The following IQUB variants were observed in gnomAD, a reference collection of about 807,000 sequenced individuals.
IQUB encodes the protein IQ motif and ubiquitin domain containing.
IQUB carries 86 observed loss-of-function variants against 86.4 expected under a neutral mutation model. The ratio of observed to expected loss-of-function variants is 1.00; its 90% CI spans 0.84 to 1.19. The LOEUF is 1.19. Among genes scored for constraint, IQUB ranks in the 50% most tolerant of loss-of-function variants. The pLI is 0.00. For synonymous variants in IQUB, 289 were observed against 304.5 expected (o/e 0.95, Z 0.53); for missense variants, 946 against 916.9 (o/e 1.03, Z -0.41).
chr7:123,478,052 A>G (rs1467603703), intron 8 of IQUB, among the ~76,000 whole-genome samples: 2 of 152,144 alleles, frequency 1.3e-5, no homozygotes, highest in Non-Finnish European at 2.9e-5. Context: ...AGGATCTAGA[A>G]CTAGAAGTAC....
chr7:123,500,734 G>A (rs1342553761), intron 6 of IQUB, among the ~76,000 whole-genome samples: 1 of 151,638 alleles, frequency 6.6e-6, no homozygotes, highest in African/African-American at 2.4e-5. Flanking sequence ...AATCTATTTG[G>A]TTCTTGATGC....
At chr7:123,484,699 A>G (rs1277452200) in intron 7 of IQUB, among the ~76,000 whole-genome samples, 2 of 152,120 alleles carry the variant, frequency 1.3e-5, no homozygotes, top group Middle Eastern at 3.2e-3. Flanking sequence ...CTGGAGATAC[A>G]TAAGTGTGTA....
intron 6 of IQUB, among the ~76,000 whole-genome samples, chr7:123,500,815 G>T: frequency 6.6e-6 from 1 of 151,220 alleles, no homozygotes. Context: ...TTTTCCATCT[G>T]CTTTAAAACT....
intron 6 of IQUB, among the ~76,000 whole-genome samples, chr7:123,499,073 G>C (rs1351754136): frequency 6.6e-6 from 1 of 151,750 alleles, no homozygotes; most frequent in African/African-American, 2.4e-5. Flanking sequence ...AAAAATAAGA[G>C]ACACAAAAGA....
intron 7 of IQUB, among the ~76,000 whole-genome samples, chr7:123,487,674 T>C (rs1208969409): frequency 6.6e-6 from 1 of 152,220 alleles, no homozygotes; most frequent in Non-Finnish European, 1.5e-5. Context: ...TATTCACCGA[T>C]AGAGCAAGTA....
At chr7:123,508,314 AT>A (rs1490904464) in intron 3 of IQUB, among the ~76,000 whole-genome samples, 1 of 152,200 alleles carries the variant, frequency 6.6e-6, no homozygotes, top group Non-Finnish European at 1.5e-5. Flanking sequence ...AATGAAATTA[AT>A]TTTGGATTTT....
chr7:123,531,084 G>C (rs140249368), intron 1 of IQUB, among the ~76,000 whole-genome samples: 3 of 152,010 alleles, frequency 2.0e-5, no homozygotes, highest in African/African-American at 7.2e-5. Flanking sequence ...CATTAGGTTC[G>C]GATCCATAAT....
intron 11 of IQUB, chr7:123,459,938 C>T (rs936360157): frequency 1.1e-4 from 16 of 151,862 alleles, no homozygotes; most frequent in Non-Finnish European, 2.2e-4. Context: ...TGGGTTGCTA[C>T]CTCTTGGGTG....
intron 1 of IQUB, among the ~76,000 whole-genome samples, chr7:123,530,091 C>A (rs575992976): frequency 6.6e-6 from 1 of 152,142 alleles, no homozygotes; most frequent in South Asian, 2.1e-4. Flanking sequence ...AGCCTGCAAT[C>A]GCAGCTATTG....
chr7:123,528,210 C>G (rs919754366), intron 1 of IQUB, among the ~76,000 whole-genome samples: 7 of 152,182 alleles, frequency 4.6e-5, no homozygotes, highest in African/African-American at 9.7e-5. Flanking sequence ...CCTGCGCCCA[C>G]TGTCTGGCAC....
intron 1 of IQUB, among the ~76,000 whole-genome samples, chr7:123,522,199 G>A (rs548548509): frequency 6.6e-6 from 1 of 152,180 alleles, no homozygotes; most frequent in African/African-American, 2.4e-5. Context: ...TTGGTTTACT[G>A]TAAAAGCAGT....
rs1371393165 is a variant in IQUB at position 123,511,983 on chromosome 7, C to T, written c.358G>A (p.Glu120Lys). 2 of 1,610,124 alleles carry T rather than the reference C, an allele frequency of 1.2e-6. No individual in the cohort carries two copies. The highest frequency in any genetic ancestry group is 1.7e-5 in the Admixed American group (1 of 59,904). The change falls in exon 2 of 13, where the codon GAA (glutamate) becomes AAA (lysine). Residue 120 changes from glutamate to lysine, a missense_variant. Physicochemically the swap from Glu to Lys is moderately conservative, Grantham distance 56. Transcript: ENST00000324698. Reference protein sequence around the residue: ...AFLDKIKSVKESLQESVEDSL... With the variant: ...AFLDKIKSVKKSLQESVEDSL... ...TCTTCCACTGATTCTTGCAAAGATT[C>T]CTTTACAGACTTTATTTTATCCAGA...
chr7:123,524,322 C>T (rs1203710537), intron 1 of IQUB, among the ~76,000 whole-genome samples: 1 of 144,782 alleles, frequency 6.9e-6, no homozygotes, highest in Non-Finnish European at 1.5e-5. Context: ...GATATTGATT[C>T]TTCCTACCCA....
chr7:123,505,424 C>T (rs1010289044), intron 3 of IQUB, among the ~76,000 whole-genome samples: 1 of 152,204 alleles, frequency 6.6e-6, no homozygotes, highest in Non-Finnish European at 1.5e-5. Flanking sequence ...TCTGCTCCTG[C>T]AGCCAACTTC....
intron 9 of IQUB, among the ~76,000 whole-genome samples, chr7:123,467,273 A>C (rs1480776238): frequency 6.6e-6 from 1 of 152,042 alleles, no homozygotes; most frequent in Non-Finnish European, 1.5e-5. Context: ...TATTCATTGT[A>C]ATGAATGTTT....
intron 3 of IQUB, 53 bp downstream of exon 3, chr7:123,509,848 T>G: frequency 6.9e-7 from 1 of 1,454,574 alleles, no homozygotes; most frequent in Non-Finnish European, 9.4e-7. Flanking sequence ...CTTGATTGTT[T>G]ACATGTTAAA....
At chr7:123,508,172 A>T (rs1277312669) in intron 3 of IQUB, among the ~76,000 whole-genome samples, 1 of 152,210 alleles carries the variant, frequency 6.6e-6, no homozygotes, top group African/African-American at 2.4e-5. Flanking sequence ...CTGGCTTTTA[A>T]AACGGAGGAA....
intron 1 of IQUB, among the ~76,000 whole-genome samples, chr7:123,522,336 G>A (rs1313293598): frequency 2.0e-5 from 3 of 152,184 alleles, no homozygotes; most frequent in Admixed American, 6.6e-5. Flanking sequence ...CTTTGACCCA[G>A]CATCCAAGAA....
chr7:123,511,726 T>G (rs1216687846), intron 2 of IQUB, among the ~76,000 whole-genome samples: 1 of 152,218 alleles, frequency 6.6e-6, no homozygotes, highest in Non-Finnish European at 1.5e-5. Flanking sequence ...AATTTAATGA[T>G]GCTCATTCAT....
Sources: allele counts gnomAD v4.1 joint callset (sites outside exome capture counted in the v4.1 genomes callset), GRCh38; gene constraint gnomAD v4.1.1; transcripts MANE v1.5; gene names NCBI Gene and HGNC (gene_info 2026-07-23, HGNC 2026-07-21).